Variants in CRY1 observed in about 807,000 individuals in gnomAD.
CRY1 encodes cryptochrome-1.
CRY1 carries 45 observed loss-of-function variants against 76.0 expected under a neutral mutation model. The observed-to-expected ratio is 0.59, with a 90% confidence interval of 0.47 to 0.76. The LOEUF (loss-of-function observed/expected upper bound fraction) is 0.76, where lower values mean the gene tolerates loss of function less well. CRY1 is among the 30% of genes least tolerant of loss of function. The probability of loss-of-function intolerance (pLI) is 0.00; values close to 1 mark genes in which losing one functional copy is unlikely to be tolerated. For synonymous variants in CRY1, 248 were observed against 244.0 expected, an observed-to-expected ratio of 1.02 and a Z score of -0.15; for missense variants, 587 against 716.4, an observed-to-expected ratio of 0.82 and a Z score of 2.06.
intron 1 of CRY1, among the ~76,000 whole-genome samples, chr12:107,062,025 C>CAAAAAAAAAAAAAAAAAAAA (rs35683352): frequency 2.5e-4 from 23 of 93,488 alleles, no homozygotes; most frequent in South Asian, 3.5e-4. Flanking sequence ...GACCCTGTCT[C>CAAAAAAAAAAAAAAAAAAAA]AAAAAAAAAA....
chr12:107,001,955 C>A lies in CRY1; in HGVS notation c.411-7G>T. ...ACCATTGAGTTCTATGATCCTATAACAAGAGTTAGTAAAATGTAGTTAGTA... is the reference window on the plus strand; with the variant it reads ...ACCATTGAGTTCTATGATCCTATAAAAAGAGTTAGTAAAATGTAGTTAGTA... On this transcript the variant is annotated splice_polypyrimidine_tract_variant and splice_region_variant and intron_variant, in intron 3 of 12. Coordinates refer to ENST00000008527, the MANE Select transcript of CRY1 (RefSeq NM_004075.5). The A allele has an allele frequency of 6.4e-7, 1 of 1,563,702 alleles. No homozygotes were observed. The highest frequency in any genetic ancestry group is 1.4e-5 in the African/African-American group (1 of 71,400).
At chr12:107,062,597 A>C (rs1412896329) in intron 1 of CRY1, among the ~76,000 whole-genome samples, 1 of 152,182 alleles carries the variant, frequency 6.6e-6, no homozygotes, top group Admixed American at 6.5e-5. Flanking sequence ...TCTGTGATAA[A>C]ATAGTAAGTT....
intron 7 of CRY1, among the ~76,000 whole-genome samples, chr12:106,999,196 T>A (rs1309363312): frequency 1.3e-5 from 2 of 152,172 alleles, no homozygotes; most frequent in Non-Finnish European, 2.9e-5. Flanking sequence ...AAATTTATAA[T>A]ATGAATTCAC....
chr12:106,999,318 G>T (rs1329419686), intron 7 of CRY1, among the ~76,000 whole-genome samples: 1 of 152,102 alleles, frequency 6.6e-6, no homozygotes, highest in Admixed American at 6.5e-5. Context: ...GGCTAGGCTG[G>T]TTTAACCATT....
Position 107,032,544 on chromosome 12 carries a change from C to T in CRY1, c.159-10352G>A, listed in dbSNP as rs372254454. Among the ~76,000 whole-genome samples the T allele has an allele frequency of 2.6e-5, 4 of 152,202 alleles. No individual in the cohort carries two copies. In the East Asian group the frequency reaches 7.7e-4, roughly 29 times the overall value. On this transcript the variant is annotated intron_variant, in intron 1 of 12. Transcript: ENST00000008527. Reference sequence around the variant, plus strand: ...CACACACACACGTCACAAATCCTCTCTGTATTCTCAACTTTAAAACTCAGA... The same window carrying T: ...CACACACACACGTCACAAATCCTCTTTGTATTCTCAACTTTAAAACTCAGA...
At chr12:106,997,756 G>A (rs1952249916) in intron 8 of CRY1, 66 bp from the exon 9 acceptor site, 4 of 1,572,500 alleles carry the variant, frequency 2.5e-6, no homozygotes, top group Non-Finnish European at 3.5e-6. Flanking sequence ...TACTAGCTAT[G>A]ACAGACCAAA....
chr12:107,035,461 C>T (rs1004024532), intron 1 of CRY1, among the ~76,000 whole-genome samples: 11 of 152,184 alleles, frequency 7.2e-5, no homozygotes, highest in African/African-American at 2.2e-4. Context: ...ATGATGATTA[C>T]AGCTGCAAAC....
At chr12:107,020,337 A>C (rs1427950194) in intron 2 of CRY1, among the ~76,000 whole-genome samples, 1 of 152,238 alleles carries the variant, frequency 6.6e-6, no homozygotes, top group Non-Finnish European at 1.5e-5. Flanking sequence ...AAATGATTCA[A>C]GAAAAAGCAG....
intron 7 of CRY1, 140 bp downstream of exon 7, chr12:106,999,411 C>T (rs561898905): frequency 1.6e-5 from 12 of 731,794 alleles, no homozygotes; most frequent in African/African-American, 7.1e-5. Flanking sequence ...AAAGTGTCCC[C>T]GTATTTGGGG....
intron 1 of CRY1, among the ~76,000 whole-genome samples, chr12:107,029,491 T>C (rs1019065611): frequency 6.6e-6 from 1 of 150,560 alleles, no homozygotes; most frequent in Admixed American, 6.7e-5. Context: ...CTACTTGGGG[T>C]GGGCTGAGGC....
At chr12:107,091,636 C>A (rs1178977677) in intron 1 of CRY1, among the ~76,000 whole-genome samples, 1 of 152,182 alleles carries the variant, frequency 6.6e-6, no homozygotes, top group Non-Finnish European at 1.5e-5. Flanking sequence ...AAGTAAAAAC[C>A]CAAATCTTGA....
rs77848690 is a variant in CRY1, at chr12:107,035,376, T to C, written c.159-13184A>G. On this transcript the variant is annotated intron_variant, in intron 1 of 12. Coordinates refer to ENST00000008527, the MANE Select transcript of CRY1 (RefSeq NM_004075.5). ...AAGTGTCAGACATTGTTGTGGTCCCTGGTAATAAAGCAGAGAACAAAATTA... is the reference window on the plus strand; with the variant it reads ...AAGTGTCAGACATTGTTGTGGTCCCCGGTAATAAAGCAGAGAACAAAATTA... Among the ~76,000 whole-genome samples, 10 of 152,288 alleles carry C rather than the reference T, an allele frequency of 6.6e-5. No individual in the cohort carries two copies. In the East Asian group the frequency reaches 1.9e-3, roughly 29 times the overall value.
Position 107,058,359 on chromosome 12 carries a change from A to C in CRY1, c.158+34445T>G, listed in dbSNP as rs184966923. On this transcript the variant is annotated intron_variant, in intron 1 of 12. Coordinates refer to ENST00000008527, the MANE Select transcript of CRY1 (RefSeq NM_004075.5). ...GAGTGTACAAACCTAAAGAGAGAAC[A>C]AAAGTCCAAGATAAACCTCTTGGCA... 5.8e-4 allele frequency among the ~76,000 whole-genome samples: 88 copies of C among 152,290 alleles called. No homozygotes were observed. The East Asian group carries it at 0.014, about 24-fold the overall frequency.
chr12:107,005,989 G>GA (rs1952370015), intron 2 of CRY1, among the ~76,000 whole-genome samples: 1 of 151,842 alleles, frequency 6.6e-6, no homozygotes, highest in Non-Finnish European at 1.5e-5. Flanking sequence ...ATCTCATAAA[G>GA]AAAAAATTCT....
chr12:107,051,078 C>A (rs914068441), intron 1 of CRY1, among the ~76,000 whole-genome samples: 2 of 152,126 alleles, frequency 1.3e-5, no homozygotes, highest in African/African-American at 4.8e-5. Context: ...TTAAAAATTT[C>A]AAACAAGAGG....
chr12:107,009,711 T>A (rs1952421932), intron 2 of CRY1, among the ~76,000 whole-genome samples: 1 of 150,660 alleles, frequency 6.6e-6, no homozygotes, highest in African/African-American at 2.4e-5. Context: ...GAGTTCGAGC[T>A]CAGCCTAGGT....
In CRY1 at chr12:107,093,400, C is replaced by T. The variant is rs896381493; in HGVS notation, c.-439G>A. On this transcript the variant is annotated 5_prime_UTR_variant, in exon 1 of 13. It adds an upstream start codon to the 5' untranslated region. Transcript: ENST00000008527. The stretch of plus-strand genomic sequence containing the variant: ...AAAACGGCCCGCCCGAGGTGAGTCA[C>T]CGAGGAGAACCGGAGGGGAATGAGC... 4.4e-5 allele frequency: 7 copies of T among 159,136 alleles called. No individual in the cohort carries two copies. Among genetic ancestry groups the T allele is most frequent in the African/African-American group, 1.7e-4 (7 of 41,644 alleles). 9.9% of individuals were successfully genotyped at this position (159,136 alleles called of 1,614,324 possible).
At chr12:107,059,573 A>T (rs752603431) in intron 1 of CRY1, among the ~76,000 whole-genome samples, 2 of 151,724 alleles carry the variant, frequency 1.3e-5, no homozygotes, top group Non-Finnish European at 3.0e-5. Context: ...GTTTGAAAAA[A>T]TAATGGACAA....
At chr12:107,054,890 GC>G (rs1952966107) in intron 1 of CRY1, among the ~76,000 whole-genome samples, 1 of 151,996 alleles carries the variant, frequency 6.6e-6, no homozygotes, top group Non-Finnish European at 1.5e-5. Flanking sequence ...TTTAATTTTA[GC>G]ATTTCAAATT....
Sources: gnomAD v4.1 joint callset for allele counts (sites outside exome capture counted in the v4.1 genomes callset) on GRCh38, gnomAD v4.1.1 for gene constraint, MANE v1.5 for transcripts, NCBI Gene and HGNC (gene_info 2026-07-23, HGNC 2026-07-21) for gene names.